The following NFRKB variants were observed in gnomAD, a reference collection of about 807,000 sequenced individuals.
NFRKB encodes nuclear factor related to kappaB binding protein, also known as nuclear factor related to kappa-B-binding protein.
In NFRKB, 62 loss-of-function variants were observed where a neutral mutation model predicts 135.7. The ratio of observed to expected loss-of-function variants is 0.46; its 90% CI spans 0.37 to 0.56. The LOEUF (loss-of-function observed/expected upper bound fraction) is 0.56, where lower values mean the gene tolerates loss of function less well. NFRKB is among the 20% of genes least tolerant of loss of function. NFRKB has a pLI of 0.00. For synonymous variants in NFRKB, 678 were observed against 635.6 expected (o/e 1.07, Z -1.00); for missense variants, 1,545 against 1,662.0 (o/e 0.93, Z 1.22).
chr11:129,881,300 G>A (rs1371415906), intron 13 of NFRKB, 143 bp downstream of exon 13: 2 of 740,816 alleles, frequency 2.7e-6, no homozygotes, highest in Non-Finnish European at 4.5e-6. Context: ...GGGTGTTGAA[G>A]GACTCCTTCA....
intron 22 of NFRKB, 50 bp downstream of exon 22, chr11:129,873,695 C>T: frequency 1.3e-6 from 2 of 1,593,202 alleles, no homozygotes; most frequent in Non-Finnish European, 8.6e-7. Context: ...CATCAGCCCA[C>T]CTCTGGGTCT....
intron 3 of NFRKB, among the ~76,000 whole-genome samples, chr11:129,889,094 T>C (rs1170786220): frequency 7.2e-5 from 11 of 152,056 alleles, no homozygotes; most frequent in Admixed American, 7.2e-4. Context: ...CCCGAGTAGC[T>C]GGGATTACAG....
Position 129,888,803 on chromosome 11 carries a change from A to G in NFRKB, c.136-8T>C. 3 of 1,605,904 alleles carry G rather than the reference A, an allele frequency of 1.9e-6. No individual in the cohort carries two copies. The highest frequency in any genetic ancestry group is 2.6e-6 in the Non-Finnish European group (3 of 1,174,516). ...ATCAAAGAAGATCTCAGGCTAGGAG[A>G]AATAGGAAAAGTAAACAAAAGTAAA... On this transcript the variant is annotated splice_region_variant and splice_polypyrimidine_tract_variant and intron_variant, in intron 3 of 26. Coordinates refer to ENST00000682444, the MANE Select transcript of NFRKB (RefSeq NM_001143835.2).
Position 129,888,461 on chromosome 11 carries a change from C to G in NFRKB, c.337+133G>C, listed in dbSNP as rs766210489. The G allele has an allele frequency of 3.2e-6, 3 of 944,120 alleles. No individual in the cohort carries two copies. The African/African-American group carries it at 4.9e-5, about 15-fold the overall frequency. The allele number at this position is 944,120 out of a possible 1,614,324, so 58.5% of individuals were successfully genotyped here. ...ACAGCCTAGACAGCAAAGTGTTACA[C>G]AAAACCGCTCTTTGCTGCCTCAGTA... On this transcript the variant is annotated intron_variant, in intron 4 of 26. Coordinates refer to ENST00000682444, the MANE Select transcript of NFRKB (RefSeq NM_001143835.2).
chr11:129,872,228 C>T (rs187082091), intron 23 of NFRKB, among the ~76,000 whole-genome samples: 51 of 152,202 alleles, frequency 3.4e-4, no homozygotes, highest in African/African-American at 1.2e-3. Context: ...TATGAGAATA[C>T]GAGTTCCGCG....
At position 129,881,521 on chromosome 11, in the gene NFRKB, G is replaced by A. The variant is rs750302196; in HGVS notation, c.1319-13C>T. ...CTGGAAGGAACAGCTGCAAGAAATG[G>A]ACCACATAAACAAACCATACAGGTG... On this transcript the variant is annotated splice_polypyrimidine_tract_variant and intron_variant, in intron 12 of 26. Coordinates refer to ENST00000682444, the MANE Select transcript of NFRKB (RefSeq NM_001143835.2). 1.9e-6 allele frequency: 3 copies of A among 1,613,956 alleles called. No homozygotes were observed. The highest frequency in any genetic ancestry group is 2.7e-5 in the African/African-American group (2 of 74,988).
At chr11:129,877,829 T>C (rs1170256153) in intron 15 of NFRKB, among the ~76,000 whole-genome samples, 1 of 152,190 alleles carries the variant, frequency 6.6e-6, no homozygotes, top group East Asian at 1.9e-4. Context: ...ACCGGGCCTC[T>C]GTCCTGGTGT....
At chr11:129,882,281 T>TA (rs1271426269) in intron 10 of NFRKB, 87 bp from the exon 11 acceptor site, 1 of 1,373,596 alleles carries the variant, frequency 7.3e-7, no homozygotes, top group African/African-American at 1.5e-5. Flanking sequence ...CTAGCAGTCA[T>TA]AAAAGAGTTC....
At chr11:129,894,185 G>A (rs1949676773) in intron 2 of NFRKB, 174 bp downstream of exon 2, 1 of 152,192 alleles carries the variant, frequency 6.6e-6, no homozygotes. Flanking sequence ...GGACCACAGG[G>A]AGCTTAAACT....
intron 3 of NFRKB, among the ~76,000 whole-genome samples, chr11:129,890,340 G>C (rs1023097754): frequency 3.3e-5 from 5 of 152,058 alleles, no homozygotes; most frequent in African/African-American, 1.2e-4. Context: ...TCAGTGTCTG[G>C]CATAGAGGCG....
intron 1 of NFRKB, among the ~76,000 whole-genome samples, 174 bp downstream of exon 1, chr11:129,895,322 C>T (rs1290865246): frequency 6.6e-6 from 1 of 152,172 alleles, no homozygotes; most frequent in Non-Finnish European, 1.5e-5. Context: ...CGCCCCTCCC[C>T]CACGCCGTGC....
In NFRKB at chr11:129,876,850, T is replaced by A. The variant is rs747441223; in HGVS notation, c.1618A>T (p.Met540Leu). The A allele has an allele frequency of 6.2e-7, 1 of 1,614,164 alleles. No individual in the cohort carries two copies. Among genetic ancestry groups the A allele is most frequent in the African/African-American group, 1.3e-5 (1 of 75,044 alleles). Residue 540 changes from methionine to leucine, a missense_variant, in exon 17 of 27, where the codon ATG (methionine) becomes TTG (leucine). This residue lies in a region of NFRKB where 114 missense variants were observed against 211.0 expected (regional missense o/e 0.54). Coordinates refer to ENST00000682444, the MANE Select transcript of NFRKB (RefSeq NM_001143835.2). ...CCCACCACAGACTCAAAGCCGTGCA[T>A]GCGAAAGGTGAACGCCTTATGGGGT... is the stretch of plus-strand genomic sequence containing the variant. ...SQPHKAFTFR[M>L]HGFESVVGPV...
chr11:129,866,879 C>G (rs1565385843), intron 24 of NFRKB, among the ~76,000 whole-genome samples: 1 of 152,266 alleles, frequency 6.6e-6, no homozygotes, highest in African/African-American at 2.4e-5. Context: ...GATGGGCACT[C>G]AGCTGCACAA....
In NFRKB at chr11:129,885,443, T is replaced by A; in HGVS notation, c.632A>T (p.Asp211Val). 1 of 1,608,254 alleles carries A rather than the reference T, an allele frequency of 6.2e-7. No individual in the cohort carries two copies. The highest frequency in any genetic ancestry group is 8.5e-7 in the Non-Finnish European group (1 of 1,175,406). ...EECGDTALSS[D>V]EEDLSSWLPS... is the part of the protein sequence containing the mutation. ...TGCCCGAGGACACTCACCCTCTTCA[T>A]CAGATGACAGGGCTGTGTCACCACA... The change falls in exon 6 of 27, where the codon GAT (aspartate) becomes GTT (valine). Residue 211 changes from aspartate to valine, a missense_variant. Around this residue, in one of 3 missense-constraint regions of NFRKB, gnomAD observed 678 missense variants for 646.7 expected, o/e 1.05. Transcript: ENST00000682444.
rs1191918272 is a variant in NFRKB, at chr11:129,894,375, T to C, written c.-38A>G. ...AAATCTTACCACGCCAGGTGTCAAT[T>C]TCCTTATTTGAGGAAGGGAAGCTGG... On this transcript the variant is annotated 5_prime_UTR_variant, in exon 2 of 27. Transcript: ENST00000682444. The C allele has an allele frequency of 3.3e-5, 5 of 152,232 alleles. No homozygotes were observed. The highest frequency in any genetic ancestry group is 4.4e-5 in the Non-Finnish European group (3 of 68,044). The allele number at this position is 152,232 out of a possible 1,614,324, so 9.4% of individuals were successfully genotyped here.
chr11:129,888,380 C>G (rs1236746416), intron 4 of NFRKB: 4 of 683,524 alleles, frequency 5.9e-6, no homozygotes, highest in Non-Finnish European at 1.1e-5. Flanking sequence ...TGGTTACAAG[C>G]TGAATTCATA....
In NFRKB at chr11:129,869,895, C is replaced by T. The variant is rs1200157931; in HGVS notation, c.3130G>A (p.Val1044Met). The change falls in exon 24 of 27, where the codon GTG becomes ATG. Residue 1044 changes from valine (V) to methionine (M), a missense_variant. By Grantham distance (21) the Val-to-Met change is conservative. Transcript: ENST00000682444. ...TCTGTTGGCTTGAGGTCAGGAGTCACTTTGACCACAGTGGTACCTGTTGGA... is the reference window on the plus strand; with the variant it reads ...TCTGTTGGCTTGAGGTCAGGAGTCATTTTGACCACAGTGGTACCTGTTGGA... The part of the protein sequence containing the change: ...STPTGTTVVK[V>M]TPDLKPTEAS... The T allele has an allele frequency of 6.2e-7, 1 of 1,614,256 alleles. No individual in the cohort carries two copies.
chr11:129,876,648 G>C, intron 17 of NFRKB, 73 bp downstream of exon 17: 1 of 1,529,574 alleles, frequency 6.5e-7, no homozygotes, highest in Non-Finnish European at 8.9e-7. Context: ...GGAGAGGACA[G>C]AGTTCAGAGT....
chr11:129,873,943 T>C lies in NFRKB; in HGVS notation c.2352A>G (p.Ala784=). 1 of 1,613,258 alleles carries C rather than the reference T, an allele frequency of 6.2e-7. No homozygotes were observed. The highest frequency in any genetic ancestry group is 8.5e-7 in the Non-Finnish European group (1 of 1,180,016). Residue 784 remains alanine, a synonymous_variant, in exon 22 of 27, where the codon GCA becomes GCG. Transcript: ENST00000682444. The part of the protein sequence containing the change: ...TMLSPASSQT[A]PSSQAAARVV... ...CCCGGGCGGCAGCCTGAGAACTGGG[T>C]GCAGTCTGGCTGGAAGCTGGGGAAA...
Sources: gnomAD v4.1 joint callset for allele counts (sites outside exome capture counted in the v4.1 genomes callset) on GRCh38, gnomAD v4.1.1 for gene constraint, gnomAD v4.1.1 regional missense constraint, MANE v1.5 for transcripts, NCBI Gene and HGNC (gene_info 2026-07-23, HGNC 2026-07-21) for gene names.